SPOCK3: variants seen among roughly 807,000 people sequenced by gnomAD.
SPOCK3 encodes testican-3.
A neutral mutation model predicts 56.6 loss-of-function variants in SPOCK3; 30 were observed. That is an observed-to-expected ratio of 0.53 (90% CI 0.40 to 0.72). SPOCK3 has a LOEUF of 0.72. Among genes scored for constraint, SPOCK3 ranks in the 30% least tolerant of loss-of-function variants. The pLI, the probability that SPOCK3 is intolerant of heterozygous loss-of-function variation, is 0.00. For missense variants in SPOCK3, 527 were observed against 530.0 expected (o/e 0.99, Z 0.06); for synonymous variants, 196 against 183.3 (o/e 1.07, Z -0.56).
intron 2 of SPOCK3, among the ~76,000 whole-genome samples, chr4:167,096,088 C>A (rs1306128541): frequency 2.6e-5 from 4 of 151,816 alleles, no homozygotes; most frequent in Non-Finnish European, 2.9e-5. Context: ...AACTATAAAT[C>A]TCTGAAGAAC....
rs980438105 is a variant in SPOCK3, at chr4:166,934,649, T to C, written c.351-21906A>G. 8.5e-5 allele frequency among the ~76,000 whole-genome samples: 13 copies of C among 152,258 alleles called. 1 individual carries two copies. The highest frequency in any genetic ancestry group is 3.1e-4 in the African/African-American group (13 of 41,566). On this transcript the variant is annotated intron_variant, in intron 4 of 10. Coordinates refer to ENST00000357545, the MANE Select transcript of SPOCK3 (RefSeq NM_001040159.2). ...TGTGATCTCTATATATGTTTATTTA[T>C]AATAATAATTTATGATTATTAAAAC... is the stretch of plus-strand genomic sequence containing the variant.
chr4:166,942,485 AAC>A (rs1376055495), intron 4 of SPOCK3, among the ~76,000 whole-genome samples: 3,781 of 151,104 alleles, frequency 0.025, 146 homozygotes, highest in African/African-American at 0.087. Flanking sequence ...AAAAAAAAAA[AAC>A]AAAAGTTAAA....
In SPOCK3 at chr4:167,070,563, A is replaced by G. The variant is rs973525245; in HGVS notation, c.190-8026T>C. ...ACTTTAGAATTTTCCTATTATAATTAACTTTTATTGCTTCCTGTATTTTGA... is the reference window on the plus strand; with the variant it reads ...ACTTTAGAATTTTCCTATTATAATTGACTTTTATTGCTTCCTGTATTTTGA... On this transcript the variant is annotated intron_variant, in intron 2 of 10. Coordinates refer to ENST00000357545, the MANE Select transcript of SPOCK3 (RefSeq NM_001040159.2). 1.3e-4 allele frequency among the ~76,000 whole-genome samples: 20 copies of G among 152,088 alleles called. 1 individual carries two copies. The Middle Eastern group carries it at 0.02, about 155-fold the overall frequency.
intron 2 of SPOCK3, among the ~76,000 whole-genome samples, chr4:167,146,943 C>A (rs1764012710): frequency 6.6e-6 from 1 of 151,810 alleles, no homozygotes; most frequent in Admixed American, 6.6e-5. Flanking sequence ...TAGCAGAAGA[C>A]AAGAAATAAC....
At chr4:166,813,103 T>C (rs1744009921) in intron 6 of SPOCK3, among the ~76,000 whole-genome samples, 1 of 152,046 alleles carries the variant, frequency 6.6e-6, no homozygotes, top group African/African-American at 2.4e-5. Flanking sequence ...CATACACACA[T>C]TCTGTCCATG....
intron 2 of SPOCK3, among the ~76,000 whole-genome samples, chr4:167,134,926 A>T (rs1019440153): frequency 7.9e-5 from 12 of 152,034 alleles, no homozygotes; most frequent in Admixed American, 4.6e-4. Flanking sequence ...GGTCAGCATT[A>T]TTCAATACCT....
chr4:166,855,123 G>T (rs1730517945), intron 6 of SPOCK3, among the ~76,000 whole-genome samples: 1 of 152,088 alleles, frequency 6.6e-6, no homozygotes, highest in Non-Finnish European at 1.5e-5. Context: ...CTGTCAAAGA[G>T]AACAGTGAAA....
chr4:166,820,294 T>C lies in SPOCK3; in HGVS notation c.590-28005A>G, dbSNP rs12645677. On this transcript the variant is annotated intron_variant, in intron 6 of 10. Coordinates refer to ENST00000357545, the MANE Select transcript of SPOCK3 (RefSeq NM_001040159.2). Reference sequence around the variant, plus strand: ...ATTCCATGTACATATATCAAAACATTGTACTTCATAAATAGATAAAACTAT... The same window carrying C: ...ATTCCATGTACATATATCAAAACATCGTACTTCATAAATAGATAAAACTAT... Among the ~76,000 whole-genome samples the C allele has an allele frequency of 1.7e-3, 263 of 152,162 alleles. 3 individuals are homozygous for C. In the East Asian group the frequency reaches 0.045, roughly 26 times the overall value.
intron 2 of SPOCK3, among the ~76,000 whole-genome samples, chr4:167,174,691 G>C (rs530495161): frequency 6.6e-6 from 1 of 152,256 alleles, no homozygotes; most frequent in South Asian, 2.1e-4. Flanking sequence ...TAAAGCAAAC[G>C]AGAGGCCTTG....
intron 6 of SPOCK3, among the ~76,000 whole-genome samples, chr4:166,797,244 T>A (rs1742047020): frequency 1.3e-5 from 2 of 148,952 alleles, no homozygotes; most frequent in Admixed American, 1.3e-4. Context: ...TTTTTTTTTT[T>A]TTTTTTTTTT....
At chr4:166,873,479 T>C (rs947731441) in intron 6 of SPOCK3, among the ~76,000 whole-genome samples, 6 of 152,122 alleles carry the variant, frequency 3.9e-5, no homozygotes, top group African/African-American at 1.4e-4. Context: ...ATGTTGATAA[T>C]GGAAGAGGCT....
intron 4 of SPOCK3, among the ~76,000 whole-genome samples, chr4:166,965,780 A>C (rs1490090684): frequency 1.3e-5 from 2 of 152,018 alleles, no homozygotes; most frequent in Non-Finnish European, 2.9e-5. Flanking sequence ...GGATCTCAAC[A>C]CCCCTATTAT....
intron 3 of SPOCK3, among the ~76,000 whole-genome samples, chr4:167,045,989 A>G (rs1753673844): frequency 6.6e-6 from 1 of 152,160 alleles, no homozygotes; most frequent in Non-Finnish European, 1.5e-5. Context: ...CAAGTCATGT[A>G]TGTCTACTGG....
intron 6 of SPOCK3, among the ~76,000 whole-genome samples, chr4:166,837,806 TTTTC>T (rs1746790643): frequency 6.6e-6 from 1 of 152,148 alleles, no homozygotes; most frequent in Non-Finnish European, 1.5e-5. Context: ...TCCTTTAGCA[TTTTC>T]TTTCTTTTTT....
At chr4:166,889,373 C>G (rs1734530640) in intron 5 of SPOCK3, 129 bp from the exon 6 acceptor site, 1 of 609,218 alleles carries the variant, frequency 1.6e-6, no homozygotes, top group African/African-American at 1.9e-5. Flanking sequence ...GGTAATACGT[C>G]TCCAATACTA....
intron 6 of SPOCK3, among the ~76,000 whole-genome samples, chr4:166,826,645 A>G (rs1222073162): frequency 6.6e-6 from 1 of 152,160 alleles, no homozygotes; most frequent in Non-Finnish European, 1.5e-5. Flanking sequence ...CAGTCAATAA[A>G]TAAAATTTTT....
At chr4:166,901,570 G>C (rs1198476528) in intron 5 of SPOCK3, among the ~76,000 whole-genome samples, 1 of 152,132 alleles carries the variant, frequency 6.6e-6, no homozygotes, top group African/African-American at 2.4e-5. Flanking sequence ...ACAGTCCACT[G>C]ACCAGATATT....
intron 2 of SPOCK3, among the ~76,000 whole-genome samples, chr4:167,172,748 A>T (rs536252859): frequency 6.6e-6 from 1 of 152,194 alleles, no homozygotes; most frequent in African/African-American, 2.4e-5. Flanking sequence ...ATACATCTAT[A>T]TATGTGTGTG....
chr4:166,976,981 A>T (rs1021078756), intron 4 of SPOCK3, among the ~76,000 whole-genome samples: 4 of 151,994 alleles, frequency 2.6e-5, no homozygotes, highest in Non-Finnish European at 5.9e-5. Flanking sequence ...ACAAATTGAG[A>T]AAGATGGCGT....
Sources: gnomAD v4.1 joint callset for allele counts (sites outside exome capture counted in the v4.1 genomes callset) on GRCh38, gnomAD v4.1.1 for gene constraint, MANE v1.5 for transcripts, NCBI Gene and HGNC (gene_info 2026-07-23, HGNC 2026-07-21) for gene names.